ASAP2: variants seen among roughly 807,000 people sequenced by gnomAD.
ASAP2 encodes ArfGAP with SH3 domain, ankyrin repeat and PH domain 2, also known as arf-GAP with SH3 domain, ANK repeat and PH domain-containing protein 2.
ASAP2 carries 45 observed loss-of-function variants against 131.4 expected under a neutral mutation model. The observed-to-expected ratio is 0.34, with a 90% CI of 0.27 to 0.44. The LOEUF is 0.44. Among genes scored for constraint, ASAP2 ranks in the 20% least tolerant of loss-of-function variants. The pLI is 1.00. For missense variants in ASAP2, 1,011 were observed against 1,297.0 expected (o/e 0.78, Z 3.39); for synonymous variants, 510 against 503.0 (o/e 1.01, Z -0.19).
At chr2:9,336,241 A>T (rs1409983636) in intron 9 of ASAP2, among the ~76,000 whole-genome samples, 1 of 152,134 alleles carries the variant, frequency 6.6e-6, no homozygotes, top group African/African-American at 2.4e-5. Flanking sequence ...CTGGGTTTAC[A>T]GTTTACACTT....
intron 12 of ASAP2, among the ~76,000 whole-genome samples, chr2:9,354,683 G>A (rs1672577708): frequency 2.6e-5 from 4 of 152,034 alleles, no homozygotes; most frequent in Admixed American, 2.6e-4. Flanking sequence ...AGATGCCATG[G>A]TGTTGTAGAA....
intron 3 of ASAP2, among the ~76,000 whole-genome samples, chr2:9,306,972 G>C (rs1012321263): frequency 5.3e-5 from 8 of 152,156 alleles, no homozygotes; most frequent in Admixed American, 2.0e-4. Context: ...CAGAATCTTA[G>C]TGTGTAGGAG....
chr2:9,376,973 A>T lies in ASAP2; in HGVS notation c.1812A>T (p.Val604=), dbSNP rs140228177. 1.4e-5 allele frequency: 22 copies of T among 1,613,888 alleles called. No individual in the cohort carries two copies. In the African/African-American group the frequency reaches 1.9e-4, roughly 14 times the overall value. Residue 604 remains valine, a synonymous_variant, in exon 18 of 28, where the codon GTA becomes GTT. Transcript: ENST00000281419. ...TGGATCGAACCTCTCTTCACATTGT[A>T]GACTTTTTAGTTCAGAACAGGTAGG... The part of the protein sequence containing the change: ...RSVDRTSLHI[V]DFLVQNSGNL...
In ASAP2 at chr2:9,380,822, CACAAGG is replaced by C; in HGVS notation, c.2016+17_2016+22del. 1 of 1,613,396 alleles carries C rather than the reference CACAAGG, an allele frequency of 6.2e-7. No individual in the cohort carries two copies. Among genetic ancestry groups the C allele is most frequent in the Non-Finnish European group, 8.5e-7 (1 of 1,179,698 alleles). On this transcript the variant is annotated intron_variant, in intron 20 of 27. Coordinates refer to ENST00000281419, the MANE Select transcript of ASAP2 (RefSeq NM_003887.3). Reference sequence around the variant, plus strand: ...TGTGAGGAGCTGGTGAGTCTCCCACCACAAGGACGGGGTGGGGCACCTGTCACGGGA... The same window carrying C: ...TGTGAGGAGCTGGTGAGTCTCCCACCACGGGGTGGGGCACCTGTCACGGGA...
At chr2:9,391,836 C>T (rs1456538984) in intron 23 of ASAP2, among the ~76,000 whole-genome samples, 1 of 151,720 alleles carries the variant, frequency 6.6e-6, no homozygotes, top group Non-Finnish European at 1.5e-5. Context: ...CCACCTGCCT[C>T]AGCCTCCCAG....
At chr2:9,270,856 G>A (rs528313225) in intron 1 of ASAP2, among the ~76,000 whole-genome samples, 25 of 136,384 alleles carry the variant, frequency 1.8e-4, no homozygotes, top group South Asian at 7.1e-4. Context: ...GCAGTGGCGC[G>A]ATCTCGGCTC....
At chr2:9,395,932 A>G (rs1676112251) in intron 24 of ASAP2, among the ~76,000 whole-genome samples, 1 of 151,806 alleles carries the variant, frequency 6.6e-6, no homozygotes, top group African/African-American at 2.4e-5. Flanking sequence ...TTAGGAGTAG[A>G]GAAATAAAGT....
Position 9,388,310 on chromosome 2 carries a change from G to A in ASAP2, c.2147G>A (p.Arg716Gln), listed in dbSNP as rs762859607. ...DEKLQPSPNR[R>Q]EDRPISFYQL... ...CTCCTGCAGCCCAGTCCCAACCGGC[G>A]GGAAGACCGGCCCATCAGCTTCTAC... Residue 716 changes from arginine (R) to glutamine (Q), a missense_variant, in exon 22 of 28, where the codon CGG becomes CAG. This residue lies in a region of ASAP2 where 652 missense variants were observed against 698.9 expected (regional missense o/e 0.93). Transcript: ENST00000281419. 12 of 1,613,864 alleles carry A rather than the reference G, an allele frequency of 7.4e-6. No individual in the cohort carries two copies. The highest frequency in any genetic ancestry group is 1.7e-4 in the Middle Eastern group (1 of 6,018).
chr2:9,350,236 G>A (rs1251209430), intron 11 of ASAP2, among the ~76,000 whole-genome samples: 3 of 152,168 alleles, frequency 2.0e-5, no homozygotes, highest in African/African-American at 4.8e-5. Flanking sequence ...AGATGTGAAT[G>A]AAGTATGTTT....
At chr2:9,242,322 A>G (rs1018947483) in intron 1 of ASAP2, among the ~76,000 whole-genome samples, 5 of 152,252 alleles carry the variant, frequency 3.3e-5, no homozygotes, top group African/African-American at 1.2e-4. Context: ...GCCTTGTGCC[A>G]GCACACTGGT....
intron 1 of ASAP2, among the ~76,000 whole-genome samples, chr2:9,266,147 C>CTT (rs3053782): frequency 0.24 from 31,838 of 133,694 alleles, 4,547 homozygotes; most frequent in African/African-American, 0.35. Flanking sequence ...GCCTTTTTAT[C>CTT]TTTTTTTTTT....
At chr2:9,282,352 A>G (rs1667181993) in intron 2 of ASAP2, among the ~76,000 whole-genome samples, 1 of 152,250 alleles carries the variant, frequency 6.6e-6, no homozygotes, top group Non-Finnish European at 1.5e-5. Context: ...TGTCTACTGC[A>G]AAGAAGTCAC....
chr2:9,256,162 C>CAAAAAAAAAA (rs71389235), intron 1 of ASAP2, among the ~76,000 whole-genome samples: 3 of 86,836 alleles, frequency 3.5e-5, no homozygotes, highest in African/African-American at 3.7e-5. Context: ...GGGTCCCCTG[C>CAAAAAAAAAA]AAAAAAAAAA....
chr2:9,208,785 C>T (rs549363298), intron 1 of ASAP2, among the ~76,000 whole-genome samples: 4 of 152,278 alleles, frequency 2.6e-5, no homozygotes, highest in African/African-American at 9.6e-5. Flanking sequence ...TTTGAGAATA[C>T]ACCATTAATA....
In ASAP2 at chr2:9,393,390, C is replaced by T. The variant is rs936002267; in HGVS notation, c.2519-92C>T. ...TTCCTTAGGAAATAGCAATAAAAAA[C>T]TGAAGCCCTTCTCAGAAAAGCCTCC... On this transcript the variant is annotated intron_variant, in intron 23 of 27. Coordinates refer to ENST00000281419, the MANE Select transcript of ASAP2 (RefSeq NM_003887.3). 14 of 1,163,844 alleles carry T rather than the reference C, an allele frequency of 1.2e-5. No individual in the cohort carries two copies. In the Admixed American group the frequency reaches 1.3e-4, roughly 11 times the overall value. 72.1% of individuals were successfully genotyped at this position (1,163,844 alleles called of 1,614,324 possible).
chr2:9,309,672 T>A (rs1306017920), intron 3 of ASAP2, among the ~76,000 whole-genome samples: 1 of 152,216 alleles, frequency 6.6e-6, no homozygotes, highest in Non-Finnish European at 1.5e-5. Flanking sequence ...TTAAAACTTT[T>A]CAAAAGCCAT....
intron 1 of ASAP2, among the ~76,000 whole-genome samples, chr2:9,221,847 TG>T (rs1662441826): frequency 6.6e-6 from 1 of 152,164 alleles, no homozygotes; most frequent in Admixed American, 6.5e-5. Context: ...CAGGCTGGAG[TG>T]CATGGCGCCA....
chr2:9,391,057 T>G lies in ASAP2; in HGVS notation c.2384-5T>G. 6.2e-7 allele frequency: 1 copy of G among 1,614,186 alleles called. No homozygotes were observed. Among genetic ancestry groups the G allele is most frequent in the South Asian group, 1.1e-5 (1 of 91,086 alleles). ...ATGCGTCTGTGTGCATGCGTGTGGGTTCAGTTCAGACAGCCTCCTCTGCTA... is the reference window on the plus strand; with the variant it reads ...ATGCGTCTGTGTGCATGCGTGTGGGGTCAGTTCAGACAGCCTCCTCTGCTA... On this transcript the variant is annotated splice_region_variant and splice_polypyrimidine_tract_variant and intron_variant, in intron 22 of 27. Coordinates refer to ENST00000281419, the MANE Select transcript of ASAP2 (RefSeq NM_003887.3).
intron 1 of ASAP2, among the ~76,000 whole-genome samples, chr2:9,262,596 T>C (rs1665652658): frequency 6.6e-6 from 1 of 152,230 alleles, no homozygotes; most frequent in South Asian, 2.1e-4. Context: ...ACCAGTGATT[T>C]GTAACTGATG....
Sources: gnomAD v4.1 joint callset for allele counts (sites outside exome capture counted in the v4.1 genomes callset) on GRCh38, gnomAD v4.1.1 for gene constraint, gnomAD v4.1.1 regional missense constraint, MANE v1.5 for transcripts, NCBI Gene and HGNC (gene_info 2026-07-23, HGNC 2026-07-21) for gene names.